ANKRD50: variants seen among roughly 807,000 people sequenced by gnomAD.
ANKRD50 encodes ankyrin repeat domain 50.
A neutral mutation model predicts 112.0 loss-of-function variants in ANKRD50; 40 were observed. That is an observed-to-expected ratio of 0.36 (90% CI 0.28 to 0.46). The LOEUF is 0.46. Among genes scored for constraint, ANKRD50 ranks in the 20% least tolerant of loss-of-function variants. The pLI is 1.00. For missense variants in ANKRD50, 1,487 were observed against 1,701.7 expected (o/e 0.87, Z 2.22); for synonymous variants, 613 against 619.1 (o/e 0.99, Z 0.15).
Position 124,669,241 on chromosome 4 carries a change from A to G in ANKRD50, c.4036T>C (p.Phe1346Leu). Residue 1346 changes from phenylalanine to leucine, a missense_variant, in exon 4 of 5, where the codon TTT (phenylalanine) becomes CTT (leucine). Around this residue, in one of 2 missense-constraint regions of ANKRD50, gnomAD observed 441 missense variants for 432.2 expected, o/e 1.02. Coordinates refer to ENST00000504087, the MANE Select transcript of ANKRD50 (RefSeq NM_020337.3). ...TCCCCACTTTGTTGGTGAATAAGAA[A>G]CTGCTGTTGAGATCGACCAATTTCC... ...QQEIGRSQQQ[F>L]LIHQQSGEQK... 2 of 1,613,612 alleles carry G rather than the reference A, an allele frequency of 1.2e-6. No homozygotes were observed. The highest frequency in any genetic ancestry group is 2.7e-5 in the African/African-American group (2 of 74,976).
chr4:124,669,229 G>T lies in ANKRD50; in HGVS notation c.4048C>A (p.Gln1350Lys). 6.2e-7 allele frequency: 1 copy of T among 1,613,610 alleles called. No homozygotes were observed. Among genetic ancestry groups the T allele is most frequent in the South Asian group, 1.1e-5 (1 of 91,000 alleles). ...CTCTTCTTCTGTTCCCCACTTTGTTGGTGAATAAGAAACTGCTGTTGAGAT... is the reference window on the plus strand; with the variant it reads ...CTCTTCTTCTGTTCCCCACTTTGTTTGTGAATAAGAAACTGCTGTTGAGAT... ...GRSQQQFLIH[Q>K]QSGEQKKRNG... Residue 1350 changes from glutamine (Q) to lysine (K), a missense_variant, in exon 4 of 5, where the codon CAA becomes AAA. Physicochemically the swap from Gln to Lys is moderately conservative, Grantham distance 53 (BLOSUM62 1). Around this residue, in one of 2 missense-constraint regions of ANKRD50, gnomAD observed 441 missense variants for 432.2 expected, o/e 1.02. Transcript: ENST00000504087.
chr4:124,684,346 T>C (rs1724957279), intron 2 of ANKRD50, among the ~76,000 whole-genome samples: 1 of 152,138 alleles, frequency 6.6e-6, no homozygotes, highest in African/African-American at 2.4e-5. Flanking sequence ...ACAATTTCTT[T>C]GAGCTTTGAC....
intron 3 of ANKRD50, among the ~76,000 whole-genome samples, chr4:124,676,970 C>T (rs942113672): frequency 6.6e-6 from 1 of 151,530 alleles, no homozygotes; most frequent in Non-Finnish European, 1.5e-5. Context: ...GAGTATTTTT[C>T]ACATACCACA....
intron 2 of ANKRD50, among the ~76,000 whole-genome samples, chr4:124,702,294 T>G (rs539575276): frequency 9.2e-5 from 14 of 152,270 alleles, no homozygotes; most frequent in East Asian, 3.9e-4. Context: ...GAAAAATGAA[T>G]GAAGTAAGTA....
intron 2 of ANKRD50, among the ~76,000 whole-genome samples, chr4:124,697,083 G>C (rs1007824345): frequency 2.6e-5 from 4 of 152,264 alleles, no homozygotes; most frequent in Admixed American, 2.6e-4. Context: ...AGAAGACTAA[G>C]GGAGCAGCAA....
chr4:124,671,023 G>A lies in ANKRD50; in HGVS notation c.2254C>T (p.Leu752=). Residue 752 remains leucine, a synonymous_variant, in exon 4 of 5, where the codon CTG becomes TTG. Transcript: ENST00000504087. ...DHCDKDGMTP[L]LVAAYEGHVD... ...TGTCCTTCATAGGCAGCTACCAGCA[G>A]TGGAGTCATGCCATCTTTATCACAA... The A allele has an allele frequency of 6.2e-7, 1 of 1,613,796 alleles. No homozygotes were observed. The highest frequency in any genetic ancestry group is 8.5e-7 in the Non-Finnish European group (1 of 1,179,862).
rs1483695163 is a variant in ANKRD50 at position 124,664,418 on chromosome 4, G to A, written c.*3100C>T. ...AGATAATAACTTAAAACAACTAACA[G>A]TTGTTTATGCTATATGCATATCATG... On this transcript the variant is annotated 3_prime_UTR_variant, in exon 5 of 5. Transcript: ENST00000504087. 6.6e-6 allele frequency: 1 copy of A among 152,242 alleles called. No homozygotes were observed. Among genetic ancestry groups the A allele is most frequent in the African/African-American group, 2.4e-5 (1 of 41,406 alleles). The allele number at this position is 152,242 out of a possible 1,614,324, so 9.4% of individuals were successfully genotyped here. A position where few individuals can be genotyped will look rare whatever the true frequency, so the allele number is the denominator to read the frequency against.
At position 124,669,421 on chromosome 4, in the gene ANKRD50, C is replaced by CT. The variant is rs760525425; in HGVS notation, c.3855dup (p.Ala1286SerfsTer5). On this transcript the variant is annotated frameshift_variant, in exon 4 of 5. Coordinates refer to ENST00000504087, the MANE Select transcript of ANKRD50 (RefSeq NM_020337.3). LOFTEE classifies it high-confidence loss of function. ...GGCTGTGAAGAATTACTTTGTTTCG[C>CT]TTTTTTCCCAGCTGATCCAGACTTG... The CT allele has an allele frequency of 6.2e-7, 1 of 1,612,936 alleles. No homozygotes were observed. The highest frequency in any genetic ancestry group is 8.5e-7 in the Non-Finnish European group (1 of 1,179,698).
chr4:124,673,700 T>G (rs1204123108), intron 3 of ANKRD50, among the ~76,000 whole-genome samples: 1 of 152,166 alleles, frequency 6.6e-6, no homozygotes, highest in Middle Eastern at 3.4e-3. Context: ...GAAGGACAAA[T>G]AATAGGTTTG....
chr4:124,671,711 T>G lies in ANKRD50; in HGVS notation c.1566A>C (p.Leu522Phe). 6.2e-7 allele frequency: 1 copy of G among 1,613,900 alleles called. No individual in the cohort carries two copies. The highest frequency in any genetic ancestry group is 8.5e-7 in the Non-Finnish European group (1 of 1,179,864). The change falls in exon 4 of 5, where the codon TTA becomes TTC. Residue 522 changes from leucine (L) to phenylalanine (F), a missense_variant. Around this residue, in one of 2 missense-constraint regions of ANKRD50, gnomAD observed 1,046 missense variants for 1,269.5 expected, o/e 0.82. Transcript: ENST00000504087. Reference sequence around the variant, plus strand: ...ATGTCCGAATGGAATCCTCTCTTTCTAAGGCTTGTCGAACTATGCATGATG... The same window carrying G: ...ATGTCCGAATGGAATCCTCTCTTTCGAAGGCTTGTCGAACTATGCATGATG... ...DRTSCIVRQA[L>F]EREDSIRTLL... is the part of the protein sequence containing the mutation.
intron 2 of ANKRD50, among the ~76,000 whole-genome samples, chr4:124,700,307 C>A (rs1725361565): frequency 6.6e-6 from 1 of 152,156 alleles, no homozygotes; most frequent in Non-Finnish European, 1.5e-5. Flanking sequence ...AAGGGTAGAC[C>A]ATGTAGAGCT....
intron 3 of ANKRD50, among the ~76,000 whole-genome samples, chr4:124,677,989 G>A (rs899973330): frequency 6.6e-6 from 1 of 152,016 alleles, no homozygotes; most frequent in African/African-American, 2.4e-5. Flanking sequence ...GCCATATGTG[G>A]AAACCAAAAG....
intron 2 of ANKRD50, among the ~76,000 whole-genome samples, chr4:124,703,149 T>C (rs1209472711): frequency 6.6e-6 from 1 of 151,820 alleles, no homozygotes; most frequent in African/African-American, 2.4e-5. Flanking sequence ...CAGAGGAAGG[T>C]CCACCAAAGA....
intron 2 of ANKRD50, among the ~76,000 whole-genome samples, chr4:124,705,763 C>T (rs1279665246): frequency 6.6e-6 from 1 of 152,078 alleles, no homozygotes; most frequent in Non-Finnish European, 1.5e-5. Context: ...TAGGAGTCCA[C>T]CTCTAACACT....
At position 124,666,283 on chromosome 4, in the gene ANKRD50, C is replaced by A. The variant is rs1461359169; in HGVS notation, c.*1235G>T. The A allele has an allele frequency of 2.0e-5, 3 of 152,426 alleles. No individual in the cohort carries two copies. The highest frequency in any genetic ancestry group is 7.2e-5 in the African/African-American group (3 of 41,416). The allele number at this position is 152,426 out of a possible 1,614,324, so 9.4% of individuals were successfully genotyped here. A position where few individuals can be genotyped will look rare whatever the true frequency, so the allele number is the denominator to read the frequency against. Reference sequence around the variant, plus strand: ...TCATGAATTTCTCTCTTAACCCTGGCATCCAGCCCTCCTGCATGCAATTGT... The same window carrying A: ...TCATGAATTTCTCTCTTAACCCTGGAATCCAGCCCTCCTGCATGCAATTGT... On this transcript the variant is annotated 3_prime_UTR_variant, in exon 5 of 5. Transcript: ENST00000504087.
chr4:124,703,560 C>G (rs1312094373), intron 2 of ANKRD50, among the ~76,000 whole-genome samples: 1 of 151,958 alleles, frequency 6.6e-6, no homozygotes, highest in Admixed American at 6.6e-5. Context: ...ATGGTGAAGG[C>G]TGAACCAAAT....
Position 124,710,610 on chromosome 4 carries a change from CAG to C in ANKRD50, c.-101_-100del. On this transcript the variant is annotated 5_prime_UTR_variant, in exon 2 of 5. Coordinates refer to ENST00000504087, the MANE Select transcript of ANKRD50 (RefSeq NM_020337.3). ...TTGTATATTAAGTTGACTCTGAAGA[CAG>C]AGTAACTAGTTACAGTAAAATTCAA... 2 of 1,362,820 alleles carry C rather than the reference CAG, an allele frequency of 1.5e-6. No homozygotes were observed. The highest frequency in any genetic ancestry group is 2.0e-6 in the Non-Finnish European group (2 of 1,004,998). 84.4% of individuals were successfully genotyped at this position (1,362,820 alleles called of 1,614,324 possible).
chr4:124,697,173 T>A (rs1186561719), intron 2 of ANKRD50, among the ~76,000 whole-genome samples: 1 of 152,224 alleles, frequency 6.6e-6, no homozygotes, highest in Non-Finnish European at 1.5e-5. Context: ...AGTAAGCAGT[T>A]AGATTTATAG....
Position 124,665,618 on chromosome 4 carries a change from T to C in ANKRD50, c.*1900A>G, listed in dbSNP as rs543242540. 11 of 152,538 alleles carry C rather than the reference T, an allele frequency of 7.2e-5. No homozygotes were observed. The highest frequency in any genetic ancestry group is 5.9e-4 in the Admixed American group (9 of 15,262). 9.4% of individuals were successfully genotyped at this position (152,538 alleles called of 1,614,324 possible). A position where few individuals can be genotyped will look rare whatever the true frequency, so the allele number is the denominator to read the frequency against. On this transcript the variant is annotated 3_prime_UTR_variant, in exon 5 of 5. Transcript: ENST00000504087. ...AATAGTATGTGTTCATATTTATTAA[T>C]AGACTCATTAACACTTTTAAGGCTA...
Sources: allele counts gnomAD v4.1 joint callset (sites outside exome capture counted in the v4.1 genomes callset), GRCh38; gene constraint gnomAD v4.1.1; regional missense constraint gnomAD v4.1.1; transcripts MANE v1.5; gene names NCBI Gene and HGNC (gene_info 2026-07-23, HGNC 2026-07-21).